The following FRMD6 variants were observed in gnomAD, a reference collection of about 807,000 sequenced individuals.
FRMD6 encodes the protein FERM domain containing 6, also known as FERM domain-containing protein 6.
In FRMD6, 37 loss-of-function variants were observed where a neutral mutation model predicts 73.2. That is an observed-to-expected ratio of 0.51 (90% CI 0.39 to 0.66). FRMD6 has a LOEUF of 0.66. FRMD6 is among the 30% of genes least tolerant of loss of function. FRMD6 has a pLI of 0.00. For missense variants in FRMD6, 714 were observed against 780.5 expected, an observed-to-expected ratio of 0.91 and a Z score of 1.02; for synonymous variants, 273 against 282.2, an observed-to-expected ratio of 0.97 and a Z score of 0.33.
At chr14:51,453,915 T>A in the FRMD6 span, among the ~76,000 whole-genome samples, 2 of 152,132 alleles carry the variant, frequency 1.3e-5, no homozygotes, top group Admixed American at 1.3e-4. Context: ...TAGGTTGAGT[T>A]TAGAAATCAC....
the FRMD6 span, among the ~76,000 whole-genome samples, chr14:51,404,170 A>C: frequency 1.3e-5 from 2 of 152,058 alleles, no homozygotes; most frequent in African/African-American, 4.8e-5. Context: ...TTTTCTTAAC[A>C]CTAATAAAAT....
intron 1 of FRMD6, among the ~76,000 whole-genome samples, chr14:51,666,148 C>T (rs1893575122): frequency 6.6e-6 from 1 of 152,202 alleles, no homozygotes; most frequent in Admixed American, 6.5e-5. Flanking sequence ...TCTTAATTTA[C>T]TATGCCATTT....
intron 2 of FRMD6, among the ~76,000 whole-genome samples, chr14:51,612,917 G>A (rs1317267815): frequency 1.3e-5 from 2 of 152,216 alleles, no homozygotes; most frequent in African/African-American, 4.8e-5. Flanking sequence ...GAGTCCAAAA[G>A]TAGCTGTAGT....
chr14:51,618,412 G>A (rs1413297817), intron 2 of FRMD6, among the ~76,000 whole-genome samples: 2 of 152,172 alleles, frequency 1.3e-5, no homozygotes, highest in East Asian at 1.9e-4. Flanking sequence ...GCTCATATTC[G>A]TTAAAAGGTC....
the FRMD6 span, among the ~76,000 whole-genome samples, chr14:51,408,318 C>A: frequency 6.6e-6 from 1 of 152,090 alleles, no homozygotes; most frequent in African/African-American, 2.4e-5. Flanking sequence ...CGCCACCACA[C>A]CTGGCTAATT....
chr14:51,551,617 G>A (rs1886843303), intron 1 of FRMD6, among the ~76,000 whole-genome samples: 2 of 151,976 alleles, frequency 1.3e-5, no homozygotes, highest in South Asian at 4.2e-4. Context: ...TGTGCTTGTA[G>A]TCCCAGCTAC....
intron 1 of FRMD6, among the ~76,000 whole-genome samples, chr14:51,542,152 C>A (rs1441633967): frequency 2.6e-5 from 4 of 151,994 alleles, no homozygotes; most frequent in African/African-American, 9.7e-5. Flanking sequence ...ATACACACAA[C>A]AAAATTTCCC....
At chr14:51,600,100 T>C (rs1230128791) in intron 2 of FRMD6, 1 of 151,930 alleles carries the variant, frequency 6.6e-6, no homozygotes, top group Non-Finnish European at 1.5e-5. Context: ...TGTTCTAATT[T>C]TTTTAAAATT....
At chr14:51,719,948 C>T in intron 10 of FRMD6, 107 bp from the exon 11 acceptor site, 1 of 797,378 alleles carries the variant, frequency 1.3e-6, no homozygotes, top group East Asian at 2.5e-5. Flanking sequence ...TTTCCAATCA[C>T]TAGATTCTGA....
At chr14:51,644,551 GGA>G in intron 2 of FRMD6, among the ~76,000 whole-genome samples, 1 of 152,196 alleles carries the variant, frequency 6.6e-6, no homozygotes, top group East Asian at 1.9e-4. Context: ...AATTCTAAAA[GGA>G]GAGACAGTTA....
At chr14:51,662,561 G>C (rs367599276) in intron 1 of FRMD6, among the ~76,000 whole-genome samples, 15 of 152,164 alleles carry the variant, frequency 9.9e-5, no homozygotes, top group East Asian at 7.7e-4. Context: ...AATTCCCTAT[G>C]CATTGAATGG....
the FRMD6 span, among the ~76,000 whole-genome samples, chr14:51,468,316 A>AGGGAGAGGGGGG: frequency 1.1e-4 from 1 of 9,048 alleles, no homozygotes; most frequent in African/African-American, 4.7e-4. Context: ...GGGGAGGGGG[A>AGGGAGAGGGGGG]GGGAGAGGGG....
Position 51,727,760 on chromosome 14 carries a change from C to T in FRMD6, c.1600C>T (p.Pro534Ser), listed in dbSNP as rs1459084307. 3 of 1,599,736 alleles carry T rather than the reference C, an allele frequency of 1.9e-6. No individual in the cohort carries two copies. Among genetic ancestry groups the T allele is most frequent in the Non-Finnish European group, 2.6e-6 (3 of 1,168,146 alleles). ...TATCTTGCAGACTATATGTCGGAAA[C>T]CAAAGACCTCCACTGATCGACACAG... ...DSLPQTICRK[P>S]KTSTDRHSLS... The change falls in exon 14 of 14, where the codon CCA (proline) becomes TCA (serine). Residue 534 changes from proline to serine, a missense_variant. By Grantham distance (74) the Pro-to-Ser change is moderately conservative. Transcript: ENST00000344768.
At chr14:51,432,002 A>C in the FRMD6 span, among the ~76,000 whole-genome samples, 7 of 152,354 alleles carry the variant, frequency 4.6e-5, no homozygotes, top group African/African-American at 1.7e-4. Context: ...ACTACAAGCA[A>C]AGGAAGATAC....
chr14:51,564,071 CT>C (rs1887642059), intron 1 of FRMD6, among the ~76,000 whole-genome samples: 1 of 152,196 alleles, frequency 6.6e-6, no homozygotes, highest in Non-Finnish European at 1.5e-5. Context: ...GCTCTGGTCA[CT>C]ATTTATCCTA....
the FRMD6 span, among the ~76,000 whole-genome samples, chr14:51,465,850 G>A: frequency 3.3e-5 from 5 of 152,178 alleles, no homozygotes; most frequent in East Asian, 9.7e-4. Flanking sequence ...TGGTCAGTAG[G>A]TGTATATTTA....
chr14:51,606,106 A>AT (rs1042146520), intron 2 of FRMD6, among the ~76,000 whole-genome samples: 31 of 152,322 alleles, frequency 2.0e-4, no homozygotes, highest in African/African-American at 7.5e-4. Flanking sequence ...TCACAGTGAG[A>AT]TGCCAGGAAG....
intron 1 of FRMD6, among the ~76,000 whole-genome samples, chr14:51,514,938 T>G (rs1184421728): frequency 6.6e-6 from 1 of 152,222 alleles, no homozygotes; most frequent in African/African-American, 2.4e-5. Flanking sequence ...TTGTGGGTAT[T>G]GCTTTTTGTG....
the FRMD6 span, among the ~76,000 whole-genome samples, chr14:51,451,553 A>G: frequency 6.6e-6 from 1 of 151,816 alleles, no homozygotes; most frequent in Non-Finnish European, 1.5e-5. Flanking sequence ...TTTTTTGTAT[A>G]TTTTTTTAGT....
Sources: allele counts gnomAD v4.1 joint callset (sites outside exome capture counted in the v4.1 genomes callset), GRCh38; gene constraint gnomAD v4.1.1; transcripts MANE v1.5; gene names NCBI Gene and HGNC (gene_info 2026-07-23, HGNC 2026-07-21).